The following GRK3 variants were observed in gnomAD, a reference collection of about 807,000 sequenced individuals.
GRK3 encodes the protein G protein-coupled receptor kinase 3.
Under a neutral mutation model 95.7 loss-of-function variants are expected in GRK3, and 54 were observed. The observed-to-expected ratio is 0.56, with a 90% CI of 0.45 to 0.71. The LOEUF (loss-of-function observed/expected upper bound fraction) is 0.71. Ranked by LOEUF, GRK3 falls within the 30% of genes least tolerant of loss-of-function variation. The pLI is 0.00. For missense variants in GRK3, 649 were observed against 851.2 expected (o/e 0.76, Z 2.96); for synonymous variants, 281 against 290.8 (o/e 0.97, Z 0.34).
chr22:25,720,998 C>T (rs1280386743), intron 19 of GRK3, among the ~76,000 whole-genome samples: 1 of 152,164 alleles, frequency 6.6e-6, no homozygotes, highest in Non-Finnish European at 1.5e-5. Context: ...AGCAAGTAGG[C>T]TTGCGATTCA....
chr22:25,606,945 A>T (rs1285887599), intron 2 of GRK3, among the ~76,000 whole-genome samples: 2 of 152,108 alleles, frequency 1.3e-5, no homozygotes, highest in African/African-American at 4.8e-5. Flanking sequence ...AGCTGGTAAT[A>T]CACATGAAGC....
At chr22:25,647,358 G>T in intron 3 of GRK3, 1 of 1,292,092 alleles carries the variant, frequency 7.7e-7, no homozygotes, top group Non-Finnish European at 1.1e-6. Context: ...CATGGGAGCA[G>T]AACCCACTGC....
chr22:25,604,626 T>TC (rs1210903187), intron 2 of GRK3, among the ~76,000 whole-genome samples, 173 bp downstream of exon 2: 2 of 152,242 alleles, frequency 1.3e-5, no homozygotes, highest in African/African-American at 4.8e-5. Flanking sequence ...ACATTCCTAG[T>TC]AACATATTCT....
chr22:25,656,377 T>C (rs891089024), intron 3 of GRK3, among the ~76,000 whole-genome samples: 2 of 152,164 alleles, frequency 1.3e-5, no homozygotes, highest in Non-Finnish European at 2.9e-5. Context: ...GGTGCAGTGG[T>C]GCAATCATGG....
At chr22:25,647,263 T>C in intron 3 of GRK3, 6 of 953,018 alleles carry the variant, frequency 6.3e-6, no homozygotes, top group Non-Finnish European at 7.7e-6. Flanking sequence ...GATTTGATAA[T>C]GGGCTGCATT....
chr22:25,606,855 G>A (rs2146342829), intron 2 of GRK3, among the ~76,000 whole-genome samples: 1 of 152,322 alleles, frequency 6.6e-6, no homozygotes, highest in Middle Eastern at 3.4e-3. Context: ...ACACCCTGAA[G>A]TGGTTGTTAT....
intron 4 of GRK3, among the ~76,000 whole-genome samples, chr22:25,662,922 T>C (rs920861641): frequency 3.3e-5 from 5 of 152,092 alleles, no homozygotes; most frequent in African/African-American, 9.7e-5. Context: ...TCCATTTTTT[T>C]CCCCCTAGTT....
At chr22:25,579,559 A>G (rs1932026608) in intron 1 of GRK3, among the ~76,000 whole-genome samples, 2 of 151,554 alleles carry the variant, frequency 1.3e-5, no homozygotes, top group Admixed American at 6.6e-5. Flanking sequence ...TTCAAGCTCC[A>G]TCTCCCGGGT....
chr22:25,580,257 T>A (rs1453844532), intron 1 of GRK3: 1 of 152,148 alleles, frequency 6.6e-6, no homozygotes, highest in Non-Finnish European at 1.5e-5. Context: ...GTACTCTCCC[T>A]GTCTGCCTTA....
intron 5 of GRK3, among the ~76,000 whole-genome samples, chr22:25,666,647 A>G (rs1235509913): frequency 1.3e-5 from 2 of 151,978 alleles, no homozygotes; most frequent in African/African-American, 2.4e-5. Context: ...CAAGGCTCCC[A>G]GAAGGACTGC....
intron 2 of GRK3, among the ~76,000 whole-genome samples, chr22:25,643,362 T>TA (rs2084757100): frequency 6.6e-6 from 1 of 152,236 alleles, no homozygotes; most frequent in Non-Finnish European, 1.5e-5. Context: ...AACGAACACT[T>TA]ACCATTTTCA....
rs566671276 is a variant in GRK3 at position 25,652,809 on chromosome 22, A to C, written c.264+8144A>C. 1.3e-4 allele frequency among the ~76,000 whole-genome samples: 20 copies of C among 152,322 alleles called. 1 individual carries two copies. The South Asian group carries it at 3.7e-3, about 28-fold the overall frequency. ...TTTTCAGTAAAAGGTACGTATATTC[A>C]AAAGGTAAGTATATTCAAATGGTAA... On this transcript the variant is annotated intron_variant, in intron 3 of 20. Coordinates refer to ENST00000324198, the MANE Select transcript of GRK3 (RefSeq NM_005160.4).
chr22:25,659,206 A>G (rs1601507658), intron 3 of GRK3, among the ~76,000 whole-genome samples: 1 of 152,282 alleles, frequency 6.6e-6, no homozygotes, highest in East Asian at 1.9e-4. Context: ...TGGAGAGGAT[A>G]GGTCACAGAA....
chr22:25,678,969 C>A, intron 9 of GRK3, 54 bp downstream of exon 9: 1 of 1,224,240 alleles, frequency 8.2e-7, no homozygotes, highest in South Asian at 1.4e-5. Flanking sequence ...TGTTTCATAG[C>A]AGGATGATTT....
intron 15 of GRK3, among the ~76,000 whole-genome samples, chr22:25,709,175 T>C (rs2085324058): frequency 1.3e-5 from 2 of 151,946 alleles, no homozygotes; most frequent in Non-Finnish European, 2.9e-5. Flanking sequence ...GTAGCTGGGA[T>C]TACAGGCGCC....
chr22:25,575,664 G>A (rs1039630396), intron 1 of GRK3, among the ~76,000 whole-genome samples: 3 of 152,140 alleles, frequency 2.0e-5, no homozygotes, highest in Non-Finnish European at 4.4e-5. Flanking sequence ...ATTTGTAGAT[G>A]ATGTTTTATA....
intron 1 of GRK3, among the ~76,000 whole-genome samples, chr22:25,585,558 G>GTAAC (rs1932270724): frequency 1.3e-5 from 2 of 152,156 alleles, no homozygotes; most frequent in African/African-American, 4.8e-5. Flanking sequence ...ACTTGGGAGA[G>GTAAC]GCTTTAGTTT....
At chr22:25,602,748 C>T (rs987308461) in intron 1 of GRK3, among the ~76,000 whole-genome samples, 1 of 152,092 alleles carries the variant, frequency 6.6e-6, no homozygotes, top group Non-Finnish European at 1.5e-5. Flanking sequence ...AATTCTAGAA[C>T]TGGAGCATGA....
chr22:25,678,513 C>T (rs2085050410), intron 8 of GRK3, among the ~76,000 whole-genome samples: 1 of 152,184 alleles, frequency 6.6e-6, no homozygotes, highest in African/African-American at 2.4e-5. Flanking sequence ...CAATTCCTAG[C>T]TGCTAAATAT....
Sources: allele counts gnomAD v4.1 joint callset (sites outside exome capture counted in the v4.1 genomes callset), GRCh38; gene constraint gnomAD v4.1.1; transcripts MANE v1.5; gene names NCBI Gene and HGNC (gene_info 2026-07-23, HGNC 2026-07-21).